The following DNER variants were observed in gnomAD, a reference collection of about 807,000 sequenced individuals.
The protein encoded by DNER is delta/notch like EGF repeat containing.
Under a neutral mutation model 78.2 loss-of-function variants are expected in DNER, and 33 were observed. The ratio of observed to expected loss-of-function variants is 0.42; its 90% CI spans 0.32 to 0.56. The LOEUF (loss-of-function observed/expected upper bound fraction) is 0.56, where lower values mean the gene tolerates loss of function less well. Among genes scored for constraint, DNER ranks in the 20% least tolerant of loss-of-function variants. The pLI, the probability that DNER is intolerant of heterozygous loss-of-function variation, is 0.11. For synonymous variants in DNER, 417 were observed against 384.8 expected, an observed-to-expected ratio of 1.08 and a Z score of -0.98; for missense variants, 918 against 975.3, an observed-to-expected ratio of 0.94 and a Z score of 0.78.
intron 4 of DNER, 101 bp downstream of exon 4, chr2:229,585,757 T>C (rs1447387815): frequency 8.0e-7 from 1 of 1,255,956 alleles, no homozygotes; most frequent in East Asian, 2.4e-5. Flanking sequence ...ATGGATAGAA[T>C]TCAGATTATC....
At chr2:229,535,417 G>A (rs967746481) in intron 5 of DNER, among the ~76,000 whole-genome samples, 5 of 152,176 alleles carry the variant, frequency 3.3e-5, no homozygotes, top group Admixed American at 3.3e-4. Flanking sequence ...GGGCGGTAAT[G>A]TTTGTCCAGA....
chr2:229,609,995 T>C (rs1050903649), intron 1 of DNER, among the ~76,000 whole-genome samples: 3 of 152,202 alleles, frequency 2.0e-5, no homozygotes, highest in African/African-American at 7.2e-5. Context: ...AATCAATCCA[T>C]CCTGCAAAAA....
At chr2:229,387,508 A>C (rs1196912349) in intron 11 of DNER, among the ~76,000 whole-genome samples, 1 of 93,014 alleles carries the variant, frequency 1.1e-5, no homozygotes, top group Non-Finnish European at 2.4e-5. Context: ...AGAAAGAAAG[A>C]GAGAAAGAAA....
Position 229,370,058 on chromosome 2 carries a change from G to A in DNER, c.1856-2939C>T, listed in dbSNP as rs139626476. ...AGGACTCTTCTCACTGTCCATTATC[G>A]TTGAGAGTATTTGTGGCCTCTGGAT... On this transcript the variant is annotated intron_variant, in intron 11 of 12. Transcript: ENST00000341772. Among the ~76,000 whole-genome samples the A allele has an allele frequency of 2.0e-3, 312 of 152,228 alleles. 1 individual carries two copies. Among genetic ancestry groups the A allele is most frequent in the African/African-American group, 7.2e-3 (298 of 41,546 alleles).
intron 11 of DNER, among the ~76,000 whole-genome samples, chr2:229,384,740 A>G (rs1692823242): frequency 6.6e-6 from 1 of 152,190 alleles, no homozygotes; most frequent in South Asian, 2.1e-4. Context: ...ATAGACCAAT[A>G]AGAAGTTCTG....
intron 8 of DNER, among the ~76,000 whole-genome samples, chr2:229,421,467 T>G (rs1168754021): frequency 1.3e-5 from 2 of 150,070 alleles, no homozygotes; most frequent in Admixed American, 6.7e-5. Flanking sequence ...TATTATTAAA[T>G]ATACATATTT....
intron 1 of DNER, among the ~76,000 whole-genome samples, chr2:229,688,907 C>A (rs1007122111): frequency 6.6e-6 from 1 of 152,146 alleles, no homozygotes; most frequent in East Asian, 1.9e-4. Flanking sequence ...TCAAACACGG[C>A]ATGTTCTCGC....
intron 10 of DNER, among the ~76,000 whole-genome samples, chr2:229,403,932 A>T (rs1693325809): frequency 6.6e-6 from 1 of 152,174 alleles, no homozygotes; most frequent in Admixed American, 6.5e-5. Flanking sequence ...AAGGACTTTG[A>T]TCTTTTTCCT....
At chr2:229,494,615 A>T (rs1455558668) in intron 6 of DNER, among the ~76,000 whole-genome samples, 1 of 152,178 alleles carries the variant, frequency 6.6e-6, no homozygotes, top group Non-Finnish European at 1.5e-5. Flanking sequence ...GCAGTTATTC[A>T]GGCCCATTGA....
chr2:229,574,229 C>T (rs1271501792), intron 4 of DNER, among the ~76,000 whole-genome samples: 1 of 152,080 alleles, frequency 6.6e-6, no homozygotes, highest in African/African-American at 2.4e-5. Flanking sequence ...CAGTAAATTC[C>T]ATATCTGGGA....
intron 1 of DNER, among the ~76,000 whole-genome samples, chr2:229,645,105 T>C (rs1698693034): frequency 6.6e-6 from 1 of 152,132 alleles, no homozygotes; most frequent in Non-Finnish European, 1.5e-5. Flanking sequence ...CAAGCAATCA[T>C]CCTGCCTAAG....
intron 4 of DNER, among the ~76,000 whole-genome samples, chr2:229,573,198 T>C (rs1423278666): frequency 2.0e-5 from 3 of 152,206 alleles, no homozygotes; most frequent in Non-Finnish European, 4.4e-5. Flanking sequence ...ATAACTTTTG[T>C]AGGTCAAACT....
chr2:229,449,529 G>C (rs1478935726), intron 7 of DNER, among the ~76,000 whole-genome samples: 2 of 151,776 alleles, frequency 1.3e-5, no homozygotes, highest in Admixed American at 6.6e-5. Flanking sequence ...CTTGCATTTA[G>C]TTAGATAGTG....
chr2:229,509,724 AG>A (rs1445229061), intron 6 of DNER, among the ~76,000 whole-genome samples: 1 of 152,218 alleles, frequency 6.6e-6, no homozygotes, highest in African/African-American at 2.4e-5. Context: ...CTGAAGCAGG[AG>A]AATCTCTTGA....
At chr2:229,371,089 C>G (rs191211844) in intron 11 of DNER, among the ~76,000 whole-genome samples, 69 of 152,342 alleles carry the variant, frequency 4.5e-4, no homozygotes, top group African/African-American at 1.6e-3. Flanking sequence ...CTGCTTTCCT[C>G]TCTCCCCCTG....
chr2:229,713,382 C>T (rs755243827), intron 1 of DNER, among the ~76,000 whole-genome samples: 1 of 152,256 alleles, frequency 6.6e-6, no homozygotes, highest in Non-Finnish European at 1.5e-5. Flanking sequence ...CGTCCCATCC[C>T]TCGCACCGCC....
At chr2:229,366,029 G>A (rs899524915) in intron 12 of DNER, among the ~76,000 whole-genome samples, 9 of 152,152 alleles carry the variant, frequency 5.9e-5, no homozygotes, top group African/African-American at 9.7e-5. Context: ...TAAATATGGG[G>A]TTTTCTGTTC....
chr2:229,667,261 A>C (rs1300824188), intron 1 of DNER, among the ~76,000 whole-genome samples: 2 of 152,188 alleles, frequency 1.3e-5, no homozygotes, highest in African/African-American at 4.8e-5. Context: ...CAACATGCCC[A>C]TGGGGTAACT....
At chr2:229,414,015 A>G (rs6739440) in intron 9 of DNER, among the ~76,000 whole-genome samples, 122,247 of 151,664 alleles carry the variant, frequency 0.81, 50,012 homozygotes, top group African/African-American at 0.87. Context: ...AAAAGGGGGA[A>G]AATGTCCATC....
Sources: allele counts gnomAD v4.1 joint callset (sites outside exome capture counted in the v4.1 genomes callset), GRCh38; gene constraint gnomAD v4.1.1; transcripts MANE v1.5; gene names NCBI Gene and HGNC (gene_info 2026-07-23, HGNC 2026-07-21).